The following CRADD variants were observed in gnomAD, a reference collection of about 807,000 sequenced individuals.
CRADD encodes CARD and death domain containing adaptor protein.
A neutral mutation model predicts 15.5 loss-of-function variants in CRADD; 9 were observed. The ratio of observed to expected loss-of-function variants is 0.58; its 90% CI spans 0.35 to 1.01. The LOEUF is 1.01. Ranked by LOEUF, CRADD falls within the 50% of genes least tolerant of loss-of-function variation. The pLI is 0.02. For synonymous variants in CRADD, 118 were observed against 107.6 expected, an observed-to-expected ratio of 1.10 and a Z score of -0.60; for missense variants, 227 against 250.3, an observed-to-expected ratio of 0.91 and a Z score of 0.63.
rs545477764 is a variant in CRADD, at chr12:93,769,231, G to A, written c.299-80739G>A. Among the ~76,000 whole-genome samples the A allele has an allele frequency of 3.5e-3, 537 of 152,076 alleles. 2 individuals are homozygous for A. The highest frequency in any genetic ancestry group is 3.6e-3 in the Non-Finnish European group (248 of 67,986). ...TGAGTAGCTGGGACTACAGGTATGC[G>A]TCACCATGCCTGGCTATTATTTTTG... On this transcript the variant is annotated intron_variant, in intron 2 of 2. Coordinates refer to ENST00000332896, the MANE Select transcript of CRADD (RefSeq NM_003805.5).
At chr12:93,840,157 A>G (rs1565934377) in intron 2 of CRADD, among the ~76,000 whole-genome samples, 1 of 152,304 alleles carries the variant, frequency 6.6e-6, no homozygotes, top group East Asian at 1.9e-4. Flanking sequence ...AATTGTCACA[A>G]TAGGAATTGG....
chr12:93,731,567 T>C (rs1406802679), intron 2 of CRADD, among the ~76,000 whole-genome samples: 2 of 152,260 alleles, frequency 1.3e-5, no homozygotes, highest in African/African-American at 2.4e-5. Flanking sequence ...GTGAAAGTTA[T>C]GTATCCTTCT....
chr12:93,816,383 A>ATTTTTTTTTTTTTTTTTTTT (rs61294048), intron 2 of CRADD, among the ~76,000 whole-genome samples: 1 of 122,114 alleles, frequency 8.2e-6, no homozygotes, highest in Non-Finnish European at 1.6e-5. Flanking sequence ...TGCCTGGCTA[A>ATTTTTTTTTTTTTTTTTTTT]TTTTTTTTTT....
At chr12:93,783,506 A>C (rs1031300719) in intron 2 of CRADD, among the ~76,000 whole-genome samples, 11 of 152,080 alleles carry the variant, frequency 7.2e-5, no homozygotes, top group Non-Finnish European at 1.2e-4. Flanking sequence ...TGTTTTTTGC[A>C]TGTGAGAAAG....
At chr12:93,732,654 C>CA (rs1310531513) in intron 2 of CRADD, among the ~76,000 whole-genome samples, 2 of 152,198 alleles carry the variant, frequency 1.3e-5, no homozygotes, top group African/African-American at 4.8e-5. Flanking sequence ...ATTTTAGAGT[C>CA]AGACAGACCT....
chr12:93,679,083 GAA>G lies in CRADD; in HGVS notation c.298+13_298+14del. 6.2e-7 allele frequency: 1 copy of G among 1,604,310 alleles called. No individual in the cohort carries two copies. On this transcript the variant is annotated intron_variant, in intron 2 of 2. Coordinates refer to ENST00000332896, the MANE Select transcript of CRADD (RefSeq NM_003805.5). The stretch of plus-strand genomic sequence containing the variant: ...CCGACCTGCCTGCAGGTAGGCCTCA[GAA>G]AGATCACTTTGAACCAGCTCCAAAA...
intron 2 of CRADD, chr12:93,830,944 CAATT>C (rs1328441841): frequency 5.3e-5 from 8 of 152,220 alleles, no homozygotes; most frequent in African/African-American, 1.9e-4. Context: ...TAGCAGGCCT[CAATT>C]AATATTTGCT....
At chr12:93,840,375 A>G (rs1958032765) in intron 2 of CRADD, among the ~76,000 whole-genome samples, 1 of 152,040 alleles carries the variant, frequency 6.6e-6, no homozygotes, top group African/African-American at 2.4e-5. Context: ...AAGAGTGTTG[A>G]AATGCTGCTT....
intron 2 of CRADD, among the ~76,000 whole-genome samples, chr12:93,842,109 T>C (rs3858606): frequency 0.6 from 91,330 of 152,128 alleles, 27,834 homozygotes; most frequent in Middle Eastern, 0.69. Flanking sequence ...GCTATTTGTG[T>C]GTCTGCTGCA....
intron 2 of CRADD, among the ~76,000 whole-genome samples, chr12:93,812,342 A>C (rs1355216422): frequency 6.6e-6 from 1 of 152,170 alleles, no homozygotes; most frequent in African/African-American, 2.4e-5. Context: ...GTCTTCTAAA[A>C]AGCTTAAACA....
chr12:93,773,896 A>G lies in CRADD; in HGVS notation c.299-76074A>G, dbSNP rs899164590. Among the ~76,000 whole-genome samples, 7 of 132,854 alleles carry G rather than the reference A, an allele frequency of 5.3e-5. No individual in the cohort carries two copies. In the Admixed American group the frequency reaches 6.5e-4, roughly 12 times the overall value. 87.2% of individuals were successfully genotyped at this position (132,854 alleles called of 152,430 possible). A position where few individuals can be genotyped will look rare whatever the true frequency, so the allele number is the denominator to read the frequency against. The stretch of plus-strand genomic sequence containing the variant: ...GCAGTGGTGTGGTTGTCCAGGCTCT[A>G]GTGCAATGGTGTGATCAGGCTTGAC... On this transcript the variant is annotated intron_variant, in intron 2 of 2. Transcript: ENST00000332896.
chr12:93,858,622 C>G (rs1158439985), intron 2 of CRADD, among the ~76,000 whole-genome samples: 1 of 152,168 alleles, frequency 6.6e-6, no homozygotes, highest in Non-Finnish European at 1.5e-5. Flanking sequence ...CCCGCTCTGT[C>G]TCTCACCCCT....
intron 2 of CRADD, among the ~76,000 whole-genome samples, chr12:93,882,857 G>A (rs1000954696): frequency 2.6e-5 from 4 of 152,144 alleles, no homozygotes; most frequent in Non-Finnish European, 4.4e-5. Flanking sequence ...ACTAAAGATG[G>A]AACTGGCCTT....
chr12:93,877,031 C>A (rs192161686), intron 2 of CRADD, among the ~76,000 whole-genome samples: 95 of 130,606 alleles, frequency 7.3e-4, no homozygotes, highest in Admixed American at 2.6e-3. Context: ...TCACTGGGCA[C>A]CCCAAGCCCA....
chr12:93,761,071 G>T (rs900632763), intron 2 of CRADD, among the ~76,000 whole-genome samples: 1 of 152,126 alleles, frequency 6.6e-6, no homozygotes, highest in Non-Finnish European at 1.5e-5. Context: ...CAGGCTGGCA[G>T]TGTCTTCAAC....
chr12:93,732,950 T>C (rs1263679476), intron 2 of CRADD, among the ~76,000 whole-genome samples: 1 of 152,226 alleles, frequency 6.6e-6, no homozygotes, highest in Non-Finnish European at 1.5e-5. Flanking sequence ...AGACCCAGAT[T>C]TGAACACTGG....
At chr12:93,811,698 T>C (rs1957628235) in intron 2 of CRADD, among the ~76,000 whole-genome samples, 1 of 152,170 alleles carries the variant, frequency 6.6e-6, no homozygotes, top group Non-Finnish European at 1.5e-5. Flanking sequence ...GAAGGCAAAA[T>C]GGTACAGCAA....
At chr12:93,842,424 G>A (rs563510738) in intron 2 of CRADD, among the ~76,000 whole-genome samples, 41 of 152,156 alleles carry the variant, frequency 2.7e-4, no homozygotes, top group African/African-American at 9.6e-4. Flanking sequence ...ATGGTGAGTC[G>A]GGAACTTGAC....
chr12:93,746,380 G>A (rs751540715), intron 2 of CRADD, among the ~76,000 whole-genome samples: 2 of 152,054 alleles, frequency 1.3e-5, no homozygotes, highest in Non-Finnish European at 2.9e-5. Context: ...TCTTTTCCTC[G>A]GTCCACATTC....
Sources: allele counts gnomAD v4.1 joint callset (sites outside exome capture counted in the v4.1 genomes callset), GRCh38; gene constraint gnomAD v4.1.1; transcripts MANE v1.5; gene names NCBI Gene and HGNC (gene_info 2026-07-23, HGNC 2026-07-21).